The following CADM1 variants were observed in gnomAD, a reference collection of about 807,000 sequenced individuals.
CADM1 encodes TSLC-1.
CADM1 carries 15 observed loss-of-function variants against 53.1 expected under a neutral mutation model. That is an observed-to-expected ratio of 0.28 (90% CI 0.19 to 0.44). CADM1 has a LOEUF of 0.44. Among genes scored for constraint, CADM1 ranks in the 20% least tolerant of loss-of-function variants. CADM1 has a pLI of 1.00. For synonymous variants in CADM1, 281 were observed against 243.0 expected, an observed-to-expected ratio of 1.16 and a Z score of -1.45; for missense variants, 434 against 611.3, an observed-to-expected ratio of 0.71 and a Z score of 3.06.
intron 1 of CADM1, among the ~76,000 whole-genome samples, chr11:115,477,412 T>C (rs1275166822): frequency 6.6e-6 from 1 of 152,214 alleles, no homozygotes; most frequent in African/African-American, 2.4e-5. Context: ...GAATTGCCTA[T>C]CCAGCTTCAT....
chr11:115,387,167 A>C (rs942502972), intron 1 of CADM1, among the ~76,000 whole-genome samples: 3 of 152,216 alleles, frequency 2.0e-5, no homozygotes, highest in African/African-American at 7.2e-5. Flanking sequence ...TTCTCTTTGA[A>C]TATCTAATAA....
intron 1 of CADM1, among the ~76,000 whole-genome samples, chr11:115,385,711 A>C (rs572979915): frequency 9.4e-4 from 143 of 152,218 alleles, no homozygotes; most frequent in Middle Eastern, 6.8e-3. Flanking sequence ...ATCTGCCAGA[A>C]AATTCCTCCC....
chr11:115,458,641 A>G (rs188405898), intron 1 of CADM1, among the ~76,000 whole-genome samples: 1 of 151,818 alleles, frequency 6.6e-6, no homozygotes, highest in East Asian at 1.9e-4. Context: ...TTTTCCCCCC[A>G]TCCACATTTA....
At chr11:115,354,808 CAG>C (rs1348766402) in intron 1 of CADM1, among the ~76,000 whole-genome samples, 1 of 152,090 alleles carries the variant, frequency 6.6e-6, no homozygotes, top group African/African-American at 2.4e-5. Flanking sequence ...TAACTGTCTC[CAG>C]AGTGTTTCTC....
chr11:115,256,941 CT>C (rs769159266), intron 1 of CADM1: 37 of 455,214 alleles, frequency 8.1e-5, no homozygotes, highest in South Asian at 3.1e-4. Context: ...ATTTTGGTCT[CT>C]TAAAAAAGTC....
chr11:115,310,220 G>A (rs983595133), intron 1 of CADM1, among the ~76,000 whole-genome samples: 4 of 152,084 alleles, frequency 2.6e-5, no homozygotes, highest in Non-Finnish European at 5.9e-5. Context: ...AGAAATAACA[G>A]AGAAAATGGA....
At position 115,313,370 on chromosome 11, in the gene CADM1, T is replaced by C. The variant is rs181795322; in HGVS notation, c.125-72950A>G. On this transcript the variant is annotated intron_variant, in intron 1 of 11. Coordinates refer to ENST00000331581, the MANE Select transcript of CADM1 (RefSeq NM_001301043.2). ...TATCACTTCAAAGGGTAAAAATATG[T>C]CTGTGCAAACTACTGAGTCCTTGAC... 4.6e-5 allele frequency among the ~76,000 whole-genome samples: 7 copies of C among 152,290 alleles called. No homozygotes were observed. In the East Asian group the frequency reaches 1.4e-3, roughly 29 times the overall value.
intron 5 of CADM1, among the ~76,000 whole-genome samples, chr11:115,226,450 G>A (rs1941610706): frequency 6.6e-6 from 1 of 152,004 alleles, no homozygotes; most frequent in African/African-American, 2.4e-5. Flanking sequence ...GTTTTTAAAG[G>A]GGCCAATGAT....
intron 8 of CADM1, among the ~76,000 whole-genome samples, chr11:115,200,193 T>C (rs996417540): frequency 1.3e-5 from 2 of 152,162 alleles, no homozygotes; most frequent in African/African-American, 4.8e-5. Flanking sequence ...AAGAACAAAA[T>C]ACTTACAAGT....
intron 1 of CADM1, among the ~76,000 whole-genome samples, chr11:115,379,980 G>A (rs1267371026): frequency 6.6e-6 from 1 of 152,016 alleles, no homozygotes; most frequent in Admixed American, 6.6e-5. Context: ...AACACATATA[G>A]GTCAGATCAA....
intron 5 of CADM1, among the ~76,000 whole-genome samples, chr11:115,218,594 G>A (rs1323456981): frequency 6.6e-6 from 1 of 152,120 alleles, no homozygotes; most frequent in Non-Finnish European, 1.5e-5. Context: ...AACCATCATT[G>A]GGGGTAGAAT....
chr11:115,485,879 T>A (rs1309605102), intron 1 of CADM1, among the ~76,000 whole-genome samples: 1 of 152,240 alleles, frequency 6.6e-6, no homozygotes, highest in Non-Finnish European at 1.5e-5. Context: ...TCAAACTGCT[T>A]TCTAAACATT....
intron 1 of CADM1, among the ~76,000 whole-genome samples, chr11:115,486,467 C>G (rs1195509913): frequency 2.0e-5 from 3 of 151,978 alleles, no homozygotes; most frequent in African/African-American, 7.3e-5. Context: ...CCTCCCACCT[C>G]AGCCTCCCAA....
At chr11:115,196,595 TAAAAAAAAA>T (rs61694033) in intron 9 of CADM1, among the ~76,000 whole-genome samples, 1 of 76,894 alleles carries the variant, frequency 1.3e-5, no homozygotes, top group Admixed American at 1.9e-4. Flanking sequence ...GCTGATGAAC[TAAAAAAAAA>T]AAAAAAAAAA....
intron 1 of CADM1, among the ~76,000 whole-genome samples, chr11:115,262,446 G>A (rs1943003858): frequency 1.3e-5 from 2 of 152,180 alleles, no homozygotes; most frequent in Admixed American, 1.3e-4. Context: ...GCTGATCAGG[G>A]AGCCTTTTGT....
intron 8 of CADM1, chr11:115,207,180 A>G (rs1431775347): frequency 1.3e-5 from 2 of 151,978 alleles, no homozygotes; most frequent in Non-Finnish European, 2.9e-5. Context: ...TAGTTTAACT[A>G]CTCTTGGGTG....
At chr11:115,399,870 A>G (rs145999680) in intron 1 of CADM1, among the ~76,000 whole-genome samples, 65 of 152,306 alleles carry the variant, frequency 4.3e-4, no homozygotes, top group Non-Finnish European at 6.2e-4. Flanking sequence ...CGGTCTACCC[A>G]CTGACCTATA....
chr11:115,264,936 G>A (rs1312628335), intron 1 of CADM1, among the ~76,000 whole-genome samples: 2 of 152,070 alleles, frequency 1.3e-5, no homozygotes, highest in Non-Finnish European at 1.5e-5. Context: ...ACTAAACAAG[G>A]GTGCCATGAA....
At chr11:115,367,012 A>G (rs765354257) in intron 1 of CADM1, among the ~76,000 whole-genome samples, 6 of 152,236 alleles carry the variant, frequency 3.9e-5, no homozygotes, top group Non-Finnish European at 7.3e-5. Context: ...GGGATAGGCC[A>G]TGCAATGTTA....
Sources: gnomAD v4.1 joint callset for allele counts (sites outside exome capture counted in the v4.1 genomes callset) on GRCh38, gnomAD v4.1.1 for gene constraint, MANE v1.5 for transcripts, NCBI Gene and HGNC (gene_info 2026-07-23, HGNC 2026-07-21) for gene names.